Variants in NEGR1 observed in about 807,000 individuals in gnomAD.
NEGR1 encodes the protein neuronal growth regulator 1, also known as IgLON family member 4.
A neutral mutation model predicts 40.9 loss-of-function variants in NEGR1; 10 were observed. The observed-to-expected ratio is 0.24, with a 90% CI of 0.15 to 0.42. The LOEUF is 0.42. Among genes scored for constraint, NEGR1 ranks in the 10% least tolerant of loss-of-function variants. The pLI, the probability that NEGR1 is intolerant of heterozygous loss-of-function variation, is 1.00. For synonymous variants in NEGR1, 185 were observed against 166.8 expected (o/e 1.11, Z -0.84); for missense variants, 352 against 438.9 (o/e 0.80, Z 1.77).
At chr1:72,228,447 C>G (rs1293033759) in intron 1 of NEGR1, among the ~76,000 whole-genome samples, 2 of 152,114 alleles carry the variant, frequency 1.3e-5, no homozygotes, top group Non-Finnish European at 2.9e-5. Context: ...GCAATCACAC[C>G]ACTAGCTTTC....
chr1:71,811,899 T>TTTA (rs1282647754), intron 2 of NEGR1, among the ~76,000 whole-genome samples: 7 of 151,202 alleles, frequency 4.6e-5, no homozygotes, highest in Admixed American at 4.6e-4. Flanking sequence ...TTTATTTTAT[T>TTTA]TTATTTTATT....
intron 6 of NEGR1, among the ~76,000 whole-genome samples, chr1:71,473,972 G>A (rs1646801450): frequency 6.6e-6 from 1 of 151,968 alleles, no homozygotes; most frequent in Admixed American, 6.6e-5. Flanking sequence ...CCTGCTGCTT[G>A]CCTGTACCTT....
intron 1 of NEGR1, among the ~76,000 whole-genome samples, chr1:71,936,854 G>T (rs1365825544): frequency 6.6e-6 from 1 of 152,192 alleles, no homozygotes; most frequent in Non-Finnish European, 1.5e-5. Context: ...GAAGGCTGTG[G>T]TCATATACCA....
At chr1:72,273,354 A>C (rs889220465) in intron 1 of NEGR1, among the ~76,000 whole-genome samples, 11 of 152,038 alleles carry the variant, frequency 7.2e-5, no homozygotes, top group Non-Finnish European at 1.6e-4. Flanking sequence ...AAGTCGAGGT[A>C]GAAACAGAAA....
In NEGR1 at chr1:71,897,421, G is replaced by A. The variant is rs562032; in HGVS notation, c.409+37658C>T. Among the ~76,000 whole-genome samples the A allele has an allele frequency of 2.9e-3, 447 of 152,244 alleles. 2 individuals carry two copies. The highest frequency in any genetic ancestry group is 0.01 in the African/African-American group (428 of 41,546). On this transcript the variant is annotated intron_variant, in intron 2 of 6. Coordinates refer to ENST00000357731, the MANE Select transcript of NEGR1 (RefSeq NM_173808.3). ...TCCCTTGAAAAGCCCCTCAACTTCT[G>A]TGTTGTCACTTCTTCCCTGCAAAAG...
chr1:71,565,973 T>G (rs1032066035), intron 6 of NEGR1, among the ~76,000 whole-genome samples: 1 of 152,116 alleles, frequency 6.6e-6, no homozygotes, highest in Non-Finnish European at 1.5e-5. Flanking sequence ...GAAGGCCATG[T>G]GAAGACAGAG....
intron 1 of NEGR1, among the ~76,000 whole-genome samples, chr1:72,193,585 C>T (rs1037196975): frequency 4.6e-5 from 7 of 151,274 alleles, no homozygotes; most frequent in Admixed American, 2.0e-4. Flanking sequence ...ACAAAGGATC[C>T]TTAAAAGATC....
chr1:71,633,089 G>C (rs1193129366), intron 4 of NEGR1, among the ~76,000 whole-genome samples: 1 of 151,966 alleles, frequency 6.6e-6, no homozygotes, highest in African/African-American at 2.4e-5. Flanking sequence ...TTCAAATTGA[G>C]TTCAGGCCAA....
intron 4 of NEGR1, among the ~76,000 whole-genome samples, chr1:71,629,656 A>C (rs1650907624): frequency 6.6e-6 from 1 of 152,150 alleles, no homozygotes; most frequent in South Asian, 2.1e-4. Flanking sequence ...AAATAGGAAG[A>C]TAAGAAGTCA....
chr1:71,506,088 C>A (rs1647033282), intron 6 of NEGR1, among the ~76,000 whole-genome samples: 1 of 152,168 alleles, frequency 6.6e-6, no homozygotes, highest in East Asian at 1.9e-4. Flanking sequence ...GGAGAGAACT[C>A]CAAAAATTTT....
chr1:71,820,833 C>T (rs1474039108), intron 2 of NEGR1, among the ~76,000 whole-genome samples: 1 of 151,894 alleles, frequency 6.6e-6, no homozygotes, highest in African/African-American at 2.4e-5. Context: ...TAGTGCCACC[C>T]TTATAGATTT....
At chr1:71,428,599 C>A (rs1056454093) in intron 6 of NEGR1, among the ~76,000 whole-genome samples, 1 of 151,108 alleles carries the variant, frequency 6.6e-6, no homozygotes, top group African/African-American at 2.4e-5. Flanking sequence ...TTAGACCTAT[C>A]ATGTTTAAGT....
chr1:71,693,108 T>C (rs1653349692), intron 4 of NEGR1, among the ~76,000 whole-genome samples: 1 of 151,756 alleles, frequency 6.6e-6, no homozygotes, highest in African/African-American at 2.4e-5. Flanking sequence ...TTTTAATATC[T>C]CTGCATCTCA....
At chr1:71,896,819 T>A (rs1477484902) in intron 2 of NEGR1, among the ~76,000 whole-genome samples, 1 of 152,224 alleles carries the variant, frequency 6.6e-6, no homozygotes, top group Non-Finnish European at 1.5e-5. Context: ...TTTCCCCCAT[T>A]GAAAGTCTTG....
intron 4 of NEGR1, among the ~76,000 whole-genome samples, chr1:71,664,269 AC>A (rs1218221541): frequency 6.6e-6 from 1 of 152,194 alleles, no homozygotes; most frequent in African/African-American, 2.4e-5. Flanking sequence ...CAAATGGAGC[AC>A]CACCATGGCA....
chr1:72,180,352 A>G (rs769438852), intron 1 of NEGR1, among the ~76,000 whole-genome samples: 7 of 152,028 alleles, frequency 4.6e-5, no homozygotes, highest in African/African-American at 7.2e-5. Flanking sequence ...ACCAAAAACT[A>G]TAACATTCAT....
At chr1:71,599,117 C>A (rs1250868643) in intron 5 of NEGR1, among the ~76,000 whole-genome samples, 1 of 152,052 alleles carries the variant, frequency 6.6e-6, no homozygotes, top group African/African-American at 2.4e-5. Flanking sequence ...TGAAGCCAAT[C>A]ACAAAGTGTT....
intron 4 of NEGR1, among the ~76,000 whole-genome samples, chr1:71,681,210 A>T (rs1044333781): frequency 6.6e-6 from 1 of 152,218 alleles, no homozygotes; most frequent in East Asian, 1.9e-4. Context: ...AACATAATCA[A>T]CTTTAAGGGG....
At chr1:72,179,152 C>A (rs1652276098) in intron 1 of NEGR1, among the ~76,000 whole-genome samples, 1 of 151,938 alleles carries the variant, frequency 6.6e-6, no homozygotes, top group African/African-American at 2.4e-5. Context: ...ACATTTAAAT[C>A]TTTAATCCAT....
Sources: gnomAD v4.1 joint callset for allele counts (sites outside exome capture counted in the v4.1 genomes callset) on GRCh38, gnomAD v4.1.1 for gene constraint, MANE v1.5 for transcripts, NCBI Gene and HGNC (gene_info 2026-07-23, HGNC 2026-07-21) for gene names.